ATP9B: variants seen among roughly 807,000 people sequenced by gnomAD.
ATP9B encodes the protein ATPase phospholipid transporting 9B.
A neutral mutation model predicts 146.1 loss-of-function variants in ATP9B; 110 were observed. The observed-to-expected ratio is 0.75, with a 90% CI of 0.65 to 0.88. ATP9B has a LOEUF of 0.88. ATP9B is among the 40% of genes least tolerant of loss of function. The pLI is 0.00. For synonymous variants in ATP9B, 604 were observed against 569.7 expected (o/e 1.06, Z -0.86); for missense variants, 1,499 against 1,496.4 (o/e 1.00, Z -0.03).
chr18:79,284,888 G>A (rs1330616050), intron 13 of ATP9B, among the ~76,000 whole-genome samples: 1 of 150,262 alleles, frequency 6.7e-6, no homozygotes, highest in East Asian at 2.0e-4. Flanking sequence ...TTTTGTTCTT[G>A]CGATAGTTTA....
intron 12 of ATP9B, among the ~76,000 whole-genome samples, chr18:79,276,119 CAT>C (rs903187948): frequency 1.3e-4 from 20 of 152,340 alleles, no homozygotes; most frequent in African/African-American, 2.6e-4. Context: ...AAATTAGACA[CAT>C]GTGAACATTT....
chr18:79,214,306 T>A (rs117535059), intron 11 of ATP9B, among the ~76,000 whole-genome samples: 1 of 152,330 alleles, frequency 6.6e-6, no homozygotes, highest in Non-Finnish European at 1.5e-5. Context: ...TGCCCGTAAT[T>A]TGACAGTTAA....
intron 13 of ATP9B, among the ~76,000 whole-genome samples, chr18:79,293,695 A>G (rs1224096137): frequency 6.6e-6 from 1 of 152,214 alleles, no homozygotes; most frequent in Non-Finnish European, 1.5e-5. Context: ...GCAACAGAAA[A>G]TGGACTAAGA....
intron 11 of ATP9B, among the ~76,000 whole-genome samples, chr18:79,247,063 G>A (rs1480560013): frequency 6.6e-6 from 1 of 152,078 alleles, no homozygotes; most frequent in South Asian, 2.1e-4. Flanking sequence ...TTTAAATATG[G>A]CTTTGATGTA....
intron 15 of ATP9B, 71 bp downstream of exon 15, chr18:79,307,305 T>A: frequency 6.3e-7 from 1 of 1,595,454 alleles, no homozygotes; most frequent in South Asian, 1.1e-5. Context: ...GGATTCATTC[T>A]TTCTGGGATG....
intron 1 of ATP9B, chr18:79,095,689 A>T (rs1466984723): frequency 6.6e-6 from 1 of 152,206 alleles, no homozygotes; most frequent in East Asian, 1.9e-4. Context: ...CTCCACAAAT[A>T]CTTGATGCAA....
chr18:79,082,874 C>T (rs2073414953), intron 1 of ATP9B, among the ~76,000 whole-genome samples: 3 of 152,218 alleles, frequency 2.0e-5, no homozygotes, highest in Admixed American at 2.0e-4. Context: ...AGTCAGGATA[C>T]ATGGCGGTCA....
At chr18:79,266,043 G>T (rs1237791031) in intron 12 of ATP9B, among the ~76,000 whole-genome samples, 1 of 152,124 alleles carries the variant, frequency 6.6e-6, no homozygotes, top group Non-Finnish European at 1.5e-5. Flanking sequence ...AGATCAGATG[G>T]TTGTAAGTGT....
At chr18:79,339,741 G>C (rs1282680662) in intron 19 of ATP9B, among the ~76,000 whole-genome samples, 2 of 151,920 alleles carry the variant, frequency 1.3e-5, no homozygotes, top group East Asian at 3.9e-4. Flanking sequence ...GCAGTAGGAA[G>C]TGTGTCATGA....
chr18:79,366,240 C>A (rs953763909), intron 26 of ATP9B, among the ~76,000 whole-genome samples: 1 of 152,150 alleles, frequency 6.6e-6, no homozygotes, highest in Non-Finnish European at 1.5e-5. Flanking sequence ...CTCTGTCTGG[C>A]GCGGTGGTGG....
chr18:79,199,099 G>C (rs914910608), intron 9 of ATP9B, among the ~76,000 whole-genome samples: 2 of 151,850 alleles, frequency 1.3e-5, no homozygotes, highest in East Asian at 1.9e-4. Context: ...TTAGAGTCAC[G>C]CACTGCCACG....
intron 26 of ATP9B, among the ~76,000 whole-genome samples, chr18:79,369,349 C>T (rs2097055104): frequency 6.6e-6 from 1 of 151,778 alleles, no homozygotes; most frequent in African/African-American, 2.4e-5. Flanking sequence ...CTGGCTCACA[C>T]GGTGAAACCC....
intron 11 of ATP9B, among the ~76,000 whole-genome samples, chr18:79,252,797 CTT>C (rs58656067): frequency 5.1e-5 from 7 of 137,412 alleles, no homozygotes; most frequent in African/African-American, 5.3e-5. Flanking sequence ...CTAACTATTG[CTT>C]TTTTTTTTTT....
At chr18:79,314,318 G>A (rs1439347485) in intron 15 of ATP9B, among the ~76,000 whole-genome samples, 1 of 152,134 alleles carries the variant, frequency 6.6e-6, no homozygotes, top group African/African-American at 2.4e-5. Flanking sequence ...AGTTTTAGTC[G>A]CTGATACACA....
At chr18:79,253,105 G>A (rs1045708876) in intron 11 of ATP9B, among the ~76,000 whole-genome samples, 3 of 152,184 alleles carry the variant, frequency 2.0e-5, no homozygotes, top group African/African-American at 4.8e-5. Flanking sequence ...TGCCTGAGCC[G>A]GTGACCAGCG....
chr18:79,075,062 T>A (rs758561409), intron 1 of ATP9B, among the ~76,000 whole-genome samples: 2 of 151,834 alleles, frequency 1.3e-5, no homozygotes, highest in Non-Finnish European at 2.9e-5. Flanking sequence ...CCCTTGTGAC[T>A]TTGTTTATTC....
At chr18:79,371,022 G>C (rs761740565) in intron 26 of ATP9B, among the ~76,000 whole-genome samples, 1 of 152,224 alleles carries the variant, frequency 6.6e-6, no homozygotes, top group African/African-American at 2.4e-5. Flanking sequence ...TACGTACCAA[G>C]AGAACTTATT....
chr18:79,370,336 CAG>C (rs1348306457), intron 26 of ATP9B, among the ~76,000 whole-genome samples: 4 of 152,136 alleles, frequency 2.6e-5, no homozygotes, highest in African/African-American at 9.7e-5. Context: ...AACTGAGGCA[CAG>C]AGATTAAGTC....
At chr18:79,155,633 A>G (rs900178927) in intron 7 of ATP9B, among the ~76,000 whole-genome samples, 1 of 152,090 alleles carries the variant, frequency 6.6e-6, no homozygotes, top group Non-Finnish European at 1.5e-5. Context: ...TCTTATTTCT[A>G]ATGTGAAAAC....
Sources: allele counts gnomAD v4.1 joint callset (sites outside exome capture counted in the v4.1 genomes callset), GRCh38; gene constraint gnomAD v4.1.1; transcripts MANE v1.5; gene names NCBI Gene and HGNC (gene_info 2026-07-23, HGNC 2026-07-21).